HOMER1: variants seen among roughly 807,000 people sequenced by gnomAD.
HOMER1 encodes homer scaffold protein 1, also known as homer protein homolog 1.
HOMER1 carries 3 observed loss-of-function variants against 48.9 expected under a neutral mutation model. That is an observed-to-expected ratio of 0.06 (90% CI 0.03 to 0.16). The LOEUF is 0.16. Among genes scored for constraint, HOMER1 ranks in the 10% least tolerant of loss-of-function variants. The pLI, the probability that HOMER1 is intolerant of heterozygous loss-of-function variation, is 1.00. For synonymous variants in HOMER1, 134 were observed against 146.4 expected, an observed-to-expected ratio of 0.92 and a Z score of 0.61; for missense variants, 247 against 411.4, an observed-to-expected ratio of 0.60 and a Z score of 3.46.
intron 1 of HOMER1, among the ~76,000 whole-genome samples, chr5:79,497,309 T>C (rs1019092620): frequency 9.9e-5 from 15 of 151,932 alleles, no homozygotes; most frequent in Non-Finnish European, 1.5e-4. Context: ...GTAATCAGGT[T>C]TAAAAAGATT....
At chr5:79,471,357 C>T in intron 1 of HOMER1, among the ~76,000 whole-genome samples, 1 of 151,664 alleles carries the variant, frequency 6.6e-6, no homozygotes, top group Non-Finnish European at 1.5e-5. Context: ...ACAGCCTGAC[C>T]AACATGGTGA....
In HOMER1 at chr5:79,373,880, T is replaced by C. The variant is rs1748695026; in HGVS notation, c.*2129A>G. 1 of 151,984 alleles carries C rather than the reference T, an allele frequency of 6.6e-6. No individual in the cohort carries two copies. The highest frequency in any genetic ancestry group is 2.4e-5 in the African/African-American group (1 of 41,458). The allele number at this position is 151,984 out of a possible 1,614,324, so 9.4% of individuals were successfully genotyped here. On this transcript the variant is annotated 3_prime_UTR_variant, in exon 9 of 9. Coordinates refer to ENST00000334082, the MANE Select transcript of HOMER1 (RefSeq NM_004272.5). ...ATATACATATGGGTATATGTATATA[T>C]TGAATCACACATATGTCCCACATTA...
chr5:79,498,443 A>G (rs1273355709), intron 1 of HOMER1, among the ~76,000 whole-genome samples: 1 of 152,230 alleles, frequency 6.6e-6, no homozygotes, highest in Non-Finnish European at 1.5e-5. Flanking sequence ...TCTGACCTAC[A>G]TTAGAGTATC....
chr5:79,376,332 CA>C (rs1748771868), intron 8 of HOMER1, 135 bp from the exon 9 acceptor site: 1 of 643,722 alleles, frequency 1.6e-6, no homozygotes, highest in Admixed American at 3.1e-5. Flanking sequence ...CTTAATTTAG[CA>C]CAATTTAAGG....
In HOMER1 at chr5:79,450,902, T is replaced by G. The variant is rs1268134248; in HGVS notation, c.294+88A>C. 8.0e-6 allele frequency: 10 copies of G among 1,252,228 alleles called. No homozygotes were observed. The African/African-American group carries it at 1.5e-4, about 19-fold the overall frequency. 77.6% of individuals were successfully genotyped at this position (1,252,228 alleles called of 1,614,324 possible). ...GAGAATATTAAATAAATTTCTCCTA[T>G]ATTTTATACTCTCCATTTGGTATTA... On this transcript the variant is annotated intron_variant, in intron 3 of 8. Transcript: ENST00000334082.
intron 5 of HOMER1, among the ~76,000 whole-genome samples, chr5:79,419,356 G>A (rs957631965): frequency 6.6e-6 from 1 of 152,160 alleles, no homozygotes; most frequent in Non-Finnish European, 1.5e-5. Flanking sequence ...GTACTAAAAT[G>A]TGCTTCTATA....
At chr5:79,448,058 ACT>A in intron 3 of HOMER1, among the ~76,000 whole-genome samples, 1 of 152,154 alleles carries the variant, frequency 6.6e-6, no homozygotes, top group Non-Finnish European at 1.5e-5. Flanking sequence ...GGCCTGTGAT[ACT>A]CTAATCCTGG....
intron 5 of HOMER1, among the ~76,000 whole-genome samples, chr5:79,438,119 G>A (rs1750644656): frequency 6.6e-6 from 1 of 152,192 alleles, no homozygotes; most frequent in Non-Finnish European, 1.5e-5. Context: ...AAAGAGGGTT[G>A]AAGAGTATCT....
At chr5:79,451,239 A>G (rs1255486838) in intron 2 of HOMER1, 118 bp from the exon 3 acceptor site, 5 of 935,542 alleles carry the variant, frequency 5.3e-6, no homozygotes, top group Non-Finnish European at 7.9e-6. Flanking sequence ...CGTTAAATAC[A>G]TAAAGATAGT....
intron 5 of HOMER1, among the ~76,000 whole-genome samples, chr5:79,435,843 T>C (rs1750564032): frequency 7.2e-6 from 1 of 138,982 alleles, no homozygotes; most frequent in Non-Finnish European, 1.5e-5. Context: ...AATAAATAAA[T>C]AGGCCGGGCG....
At chr5:79,477,145 C>A (rs760106505) in intron 1 of HOMER1, among the ~76,000 whole-genome samples, 1 of 152,130 alleles carries the variant, frequency 6.6e-6, no homozygotes, top group African/African-American at 2.4e-5. Context: ...AAATTATGAG[C>A]CAGGAACTGT....
chr5:79,492,851 C>T (rs1752320239), intron 1 of HOMER1, among the ~76,000 whole-genome samples: 1 of 150,502 alleles, frequency 6.6e-6, no homozygotes, highest in Non-Finnish European at 1.5e-5. Flanking sequence ...TACAAAAATG[C>T]CATATACCCA....
intron 5 of HOMER1, among the ~76,000 whole-genome samples, chr5:79,424,027 C>T (rs1750175636): frequency 6.6e-6 from 1 of 152,044 alleles, no homozygotes; most frequent in Non-Finnish European, 1.5e-5. Flanking sequence ...AGAACACATT[C>T]TATAAACTAG....
chr5:79,502,948 G>T (rs147348444), intron 1 of HOMER1, among the ~76,000 whole-genome samples: 1 of 151,418 alleles, frequency 6.6e-6, no homozygotes, highest in African/African-American at 2.4e-5. Flanking sequence ...CCGCCACCAC[G>T]CCCGGCTAAT....
intron 5 of HOMER1, among the ~76,000 whole-genome samples, chr5:79,424,109 A>C (rs1056011334): frequency 1.3e-5 from 2 of 152,100 alleles, no homozygotes; most frequent in Non-Finnish European, 2.9e-5. Context: ...AATACTGTTA[A>C]GGTAATGACT....
At chr5:79,418,790 C>G (rs1488087897) in intron 5 of HOMER1, among the ~76,000 whole-genome samples, 3 of 152,120 alleles carry the variant, frequency 2.0e-5, no homozygotes, top group Non-Finnish European at 4.4e-5. Context: ...ACTACAATGT[C>G]TTTTTTCACA....
At chr5:79,489,077 T>C (rs770284334) in intron 1 of HOMER1, among the ~76,000 whole-genome samples, 1 of 152,120 alleles carries the variant, frequency 6.6e-6, no homozygotes, top group Non-Finnish European at 1.5e-5. Flanking sequence ...AGAAGAAACA[T>C]ACACAGACTC....
At chr5:79,379,203 T>A (rs1274236698) in intron 8 of HOMER1, among the ~76,000 whole-genome samples, 4 of 72,928 alleles carry the variant, frequency 5.5e-5, no homozygotes, top group East Asian at 2.7e-4. Flanking sequence ...ATAATATATA[T>A]TATATATATT....
intron 4 of HOMER1, among the ~76,000 whole-genome samples, chr5:79,441,736 CA>C (rs1750743041): frequency 6.6e-6 from 1 of 151,706 alleles, no homozygotes; most frequent in Non-Finnish European, 1.5e-5. Context: ...TGAGAAACAA[CA>C]AAAAATTCCA....
Sources: gnomAD v4.1 joint callset for allele counts (sites outside exome capture counted in the v4.1 genomes callset) on GRCh38, gnomAD v4.1.1 for gene constraint, MANE v1.5 for transcripts, NCBI Gene and HGNC (gene_info 2026-07-23, HGNC 2026-07-21) for gene names.